SOHLH2: variants seen among roughly 807,000 people sequenced by gnomAD.
The protein encoded by SOHLH2 is spermatogenesis and oogenesis specific basic helix-loop-helix 2, also known as spermatogenesis- and oogenesis-specific basic helix-loop-helix-containing protein 2.
Under a neutral mutation model 50.4 loss-of-function variants are expected in SOHLH2, and 22 were observed. The observed-to-expected ratio is 0.44, with a 90% CI of 0.31 to 0.62. The LOEUF (loss-of-function observed/expected upper bound fraction) is 0.62, where lower values mean the gene tolerates loss of function less well. Ranked by LOEUF, SOHLH2 falls within the 20% of genes least tolerant of loss-of-function variation. The pLI is 0.08. For synonymous variants in SOHLH2, 185 were observed against 187.3 expected (o/e 0.99, Z 0.10); for missense variants, 412 against 504.4 (o/e 0.82, Z 1.76).
At chr13:36,190,669 CAGA>C (rs1887549040) in intron 5 of SOHLH2, among the ~76,000 whole-genome samples, 1 of 152,052 alleles carries the variant, frequency 6.6e-6, no homozygotes, top group African/African-American at 2.4e-5. Flanking sequence ...TGAGGGAAGA[CAGA>C]AGGATTCAAG....
chr13:36,193,503 G>T, intron 4 of SOHLH2, 118 bp downstream of exon 4: 1 of 1,180,988 alleles, frequency 8.5e-7, no homozygotes, highest in Non-Finnish European at 1.1e-6. Context: ...TTCTTTCCAG[G>T]TAAAGAATAC....
chr13:36,214,389 G>T, intron 1 of SOHLH2, 90 bp downstream of exon 1: 1 of 1,475,544 alleles, frequency 6.8e-7, no homozygotes, highest in Non-Finnish European at 9.3e-7. Flanking sequence ...GAGCTCCCCA[G>T]GCCGGGCTTT....
intron 10 of SOHLH2, among the ~76,000 whole-genome samples, 168 bp from the exon 11 acceptor site, chr13:36,169,222 A>C (rs996572632): frequency 2.6e-5 from 4 of 152,174 alleles, no homozygotes; most frequent in Admixed American, 2.6e-4. Context: ...ATTCTTATTA[A>C]AAGTAATTAT....
intron 8 of SOHLH2, 95 bp from the exon 9 acceptor site, chr13:36,173,905 A>G: frequency 7.3e-7 from 1 of 1,363,696 alleles, no homozygotes; most frequent in Non-Finnish European, 1.0e-6. Flanking sequence ...CAAGTTCTAA[A>G]AACACTGATA....
intron 5 of SOHLH2, among the ~76,000 whole-genome samples, chr13:36,191,386 T>C (rs1449196285): frequency 6.6e-6 from 1 of 152,098 alleles, no homozygotes; most frequent in Non-Finnish European, 1.5e-5. Flanking sequence ...AGAAAGACAA[T>C]GGGAAGAAGC....
intron 2 of SOHLH2, among the ~76,000 whole-genome samples, chr13:36,199,928 A>C (rs1038115599): frequency 7.2e-5 from 11 of 152,234 alleles, no homozygotes; most frequent in African/African-American, 2.4e-4. Context: ...TTTCAAAACC[A>C]TATCTATGTT....
intron 6 of SOHLH2, among the ~76,000 whole-genome samples, chr13:36,175,198 C>T (rs931856712): frequency 6.6e-6 from 1 of 152,236 alleles, no homozygotes; most frequent in African/African-American, 2.4e-5. Context: ...CCCTTCCCAC[C>T]CCCTGCTGCC....
intron 2 of SOHLH2, 51 bp downstream of exon 2, chr13:36,201,812 GTTTTTAAAAAATGGGT>G: frequency 6.3e-7 from 1 of 1,583,320 alleles, no homozygotes; most frequent in Non-Finnish European, 8.6e-7. Flanking sequence ...CTTTTTAGGA[GTTTTTAAAAAATGGGT>G]TTTTAAAAAA....
chr13:36,195,361 G>T (rs1329271944), intron 2 of SOHLH2, among the ~76,000 whole-genome samples: 1 of 152,070 alleles, frequency 6.6e-6, no homozygotes, highest in Non-Finnish European at 1.5e-5. Flanking sequence ...TGGGGTGGTC[G>T]AGAACAGGTG....
Position 36,172,746 on chromosome 13 carries a change from G to T in SOHLH2, c.1000+946C>A, listed in dbSNP as rs535398146. Among the ~76,000 whole-genome samples the T allele has an allele frequency of 3.9e-5, 6 of 152,294 alleles. No homozygotes were observed. In the East Asian group the frequency reaches 1.2e-3, roughly 29 times the overall value. On this transcript the variant is annotated intron_variant, in intron 9 of 10. Transcript: ENST00000379881. ...AGGGATGGACTTGGTACTAACTAGCGCAGGTGAGGGAGGAAGGACATTCCT... is the reference window on the plus strand; with the variant it reads ...AGGGATGGACTTGGTACTAACTAGCTCAGGTGAGGGAGGAAGGACATTCCT...
chr13:36,173,660 T>C, intron 9 of SOHLH2, 32 bp downstream of exon 9: 2 of 1,611,822 alleles, frequency 1.2e-6, no homozygotes, highest in South Asian at 2.2e-5. Flanking sequence ...CAGGTCCCCC[T>C]CTAAGTGGCA....
intron 2 of SOHLH2, among the ~76,000 whole-genome samples, chr13:36,200,010 T>G (rs540768377): frequency 1.3e-4 from 20 of 152,240 alleles, no homozygotes; most frequent in African/African-American, 4.8e-4. Context: ...CAAAAGTCAA[T>G]TAATTACAGA....
At chr13:36,180,354 T>C (rs1202992077) in intron 6 of SOHLH2, among the ~76,000 whole-genome samples, 2 of 152,206 alleles carry the variant, frequency 1.3e-5, no homozygotes, top group African/African-American at 4.8e-5. Context: ...GATGGAACCT[T>C]ATATTACTGA....
Position 36,184,460 on chromosome 13 carries a change from C to CTTTTTTTTTTTTTTTTTTTTTT in SOHLH2, c.641+5485_641+5486insAAAAAAAAAAAAAAAAAAAAAA, listed in dbSNP as rs1229884029. ...GATGGAAGTTTCTACCTACAAAGAC[C>CTTTTTTTTTTTTTTTTTTTTTT]TTTTTTTTTTTTTTTTTTTGAGACG... On this transcript the variant is annotated intron_variant, in intron 6 of 10. Coordinates refer to ENST00000379881, the MANE Select transcript of SOHLH2 (RefSeq NM_017826.3). Among the ~76,000 whole-genome samples, 465 of 121,030 alleles carry CTTTTTTTTTTTTTTTTTTTTTT rather than the reference C, an allele frequency of 3.8e-3. 42 individuals are homozygous for CTTTTTTTTTTTTTTTTTTTTTT. Among genetic ancestry groups the CTTTTTTTTTTTTTTTTTTTTTT allele is most frequent in the African/African-American group, 7.2e-3 (234 of 32,290 alleles). The allele number at this position is 121,030 out of a possible 152,430, so 79.4% of individuals were successfully genotyped here.
intron 2 of SOHLH2, among the ~76,000 whole-genome samples, chr13:36,195,610 G>A (rs1004788568): frequency 6.6e-6 from 1 of 152,202 alleles, no homozygotes; most frequent in Admixed American, 6.5e-5. Flanking sequence ...GATGGGATGC[G>A]CTGATAGGGG....
intron 1 of SOHLH2, among the ~76,000 whole-genome samples, 198 bp from the exon 2 acceptor site, chr13:36,202,291 A>G (rs17053628): frequency 0.16 from 23,846 of 152,236 alleles, 2,260 homozygotes; most frequent in East Asian, 0.42. Flanking sequence ...TACCTAGACT[A>G]GTGATTAGAT....
In SOHLH2 at chr13:36,170,695, C is replaced by T. The variant is rs140785186; in HGVS notation, c.1093G>A (p.Val365Ile). Residue 365 changes from valine to isoleucine, a missense_variant, in exon 10 of 11, where the codon GTC (valine) becomes ATC (isoleucine). Val to Ile is a conservative substitution (Grantham distance 29). Transcript: ENST00000379881. ...AALSLNSLHT[V>I]RYYSKVTPSY... ...GGGGTGACTTTAGAATAATATCTGA[C>T]AGTATGCAAGGAATTCAGAGACAGC... 31 of 1,614,040 alleles carry T rather than the reference C, an allele frequency of 1.9e-5. No individual in the cohort carries two copies. The African/African-American group carries it at 4.0e-4, about 21-fold the overall frequency.
chr13:36,195,361 G>A (rs1329271944), intron 2 of SOHLH2, among the ~76,000 whole-genome samples: 2 of 152,190 alleles, frequency 1.3e-5, no homozygotes, highest in African/African-American at 4.8e-5. Flanking sequence ...TGGGGTGGTC[G>A]AGAACAGGTG....
chr13:36,174,890 C>A, intron 6 of SOHLH2, 21 bp from the exon 7 acceptor site: 1 of 1,552,380 alleles, frequency 6.4e-7, no homozygotes, highest in South Asian at 1.3e-5. Context: ...AATTGCAATA[C>A]ATAAAGAATA....
Sources: gnomAD v4.1 joint callset for allele counts (sites outside exome capture counted in the v4.1 genomes callset) on GRCh38, gnomAD v4.1.1 for gene constraint, MANE v1.5 for transcripts, NCBI Gene and HGNC (gene_info 2026-07-23, HGNC 2026-07-21) for gene names.